Variants in LRP8 observed in about 807,000 individuals in gnomAD.
LRP8 encodes low-density lipoprotein receptor-related protein 8.
Under a neutral mutation model 111.6 loss-of-function variants are expected in LRP8, and 46 were observed. The ratio of observed to expected loss-of-function variants is 0.41; its 90% CI spans 0.33 to 0.53. The LOEUF is 0.53. LRP8 is among the 20% of genes least tolerant of loss of function. LRP8 has a pLI of 0.20. For synonymous variants in LRP8, 464 were observed against 511.2 expected, an observed-to-expected ratio of 0.91 and a Z score of 1.24; for missense variants, 959 against 1,297.4, an observed-to-expected ratio of 0.74 and a Z score of 4.01.
chr1:53,246,437 G>A lies in LRP8; in HGVS notation c.*581C>T, dbSNP rs1488444569. On this transcript the variant is annotated 3_prime_UTR_variant, in exon 19 of 19. Transcript: ENST00000306052. ...ACACATACACACACAGAGTCTGTGT[G>A]GTGGGCCAAACATGCCAAAAATAAA... The A allele has an allele frequency of 6.6e-6, 1 of 152,070 alleles. No individual in the cohort carries two copies. Among genetic ancestry groups the A allele is most frequent in the Non-Finnish European group, 1.5e-5 (1 of 68,212 alleles). The allele number at this position is 152,070 out of a possible 1,614,324, so 9.4% of individuals were successfully genotyped here.
intron 2 of LRP8, among the ~76,000 whole-genome samples, chr1:53,290,753 G>A (rs1288508): frequency 5.4e-4 from 82 of 152,112 alleles, no homozygotes; most frequent in African/African-American, 1.8e-3. Flanking sequence ...AGCACTGGGC[G>A]CACCTAGCAG....
chr1:53,318,825 A>C (rs1449687201), intron 2 of LRP8, among the ~76,000 whole-genome samples: 1 of 152,074 alleles, frequency 6.6e-6, no homozygotes, highest in Admixed American at 6.5e-5. Flanking sequence ...CCAAGAGCTC[A>C]CATGCAGAGA....
intron 12 of LRP8, among the ~76,000 whole-genome samples, 160 bp from the exon 13 acceptor site, chr1:53,260,765 T>C (rs945317076): frequency 1.3e-5 from 2 of 152,228 alleles, no homozygotes; most frequent in Non-Finnish European, 2.9e-5. Flanking sequence ...CTCTAATCTG[T>C]GATGCACGTC....
intron 12 of LRP8, among the ~76,000 whole-genome samples, chr1:53,261,293 T>C (rs999319388): frequency 1.2e-4 from 18 of 152,268 alleles, no homozygotes; most frequent in African/African-American, 4.3e-4. Flanking sequence ...GCCATGTATA[T>C]AAACAAGCAC....
Position 53,272,677 on chromosome 1 carries a change from G to A in LRP8, c.1007-1331C>T, listed in dbSNP as rs114250770. On this transcript the variant is annotated intron_variant, in intron 6 of 18. Transcript: ENST00000306052. ...CAAGACCACAGCAACTCCATGACTG[G>A]GGGACCCAGGGATGACTCAGCCAGG... 266 of 1,289,432 alleles carry A rather than the reference G, an allele frequency of 2.1e-4. No homozygotes were observed. In the African/African-American group the frequency reaches 3.4e-3, roughly 16 times the overall value. The allele number at this position is 1,289,432 out of a possible 1,614,324, so 79.9% of individuals were successfully genotyped here.
intron 2 of LRP8, among the ~76,000 whole-genome samples, chr1:53,311,970 G>A (rs899522688): frequency 2.6e-5 from 4 of 152,246 alleles, no homozygotes; most frequent in African/African-American, 9.6e-5. Flanking sequence ...CTCATACAAG[G>A]CACGTGGCCA....
chr1:53,312,419 C>T (rs1221759565), intron 2 of LRP8, among the ~76,000 whole-genome samples: 2 of 152,202 alleles, frequency 1.3e-5, no homozygotes, highest in African/African-American at 2.4e-5. Context: ...GGCCAGAGTG[C>T]AGCGGCATGA....
At chr1:53,281,957 A>G (rs1647126960) in intron 3 of LRP8, among the ~76,000 whole-genome samples, 1 of 152,246 alleles carries the variant, frequency 6.6e-6, no homozygotes, top group South Asian at 2.1e-4. Flanking sequence ...AGAGCTGATA[A>G]AGAGCAGTGT....
intron 2 of LRP8, among the ~76,000 whole-genome samples, chr1:53,310,395 G>A (rs1652774158): frequency 1.3e-5 from 2 of 151,952 alleles, no homozygotes; most frequent in Admixed American, 6.6e-5. Context: ...CTGCTAAGCC[G>A]TGTGACCTGG....
chr1:53,327,171 G>T (rs1166321369), intron 1 of LRP8, 179 bp from the exon 2 acceptor site: 6 of 805,430 alleles, frequency 7.4e-6, no homozygotes, highest in Non-Finnish European at 9.5e-6. Context: ...TTCCGTGGAT[G>T]TCGGGCCGCT....
intron 18 of LRP8, among the ~76,000 whole-genome samples, chr1:53,248,684 A>G (rs751018098): frequency 7.2e-5 from 11 of 152,258 alleles, no homozygotes; most frequent in Non-Finnish European, 1.0e-4. Context: ...AGTGTCTGAC[A>G]CACAGTAGGT....
chr1:53,261,274 C>T (rs1646327816), intron 12 of LRP8, among the ~76,000 whole-genome samples: 1 of 152,232 alleles, frequency 6.6e-6, no homozygotes, highest in Admixed American at 6.5e-5. Flanking sequence ...ACATACTTTA[C>T]ATGTACATGC....
chr1:53,271,136 C>T lies in LRP8; in HGVS notation c.1144G>A (p.Asp382Asn). Residue 382 changes from aspartate (D) to asparagine (N), a missense_variant, in exon 8 of 19, where the codon GAC becomes AAC. By Grantham distance (23) the Asp-to-Asn change is conservative (BLOSUM62 1). Around this residue, in one of 3 missense-constraint regions of LRP8, gnomAD observed 819 missense variants for 1,097.6 expected, o/e 0.75. Coordinates refer to ENST00000306052, the MANE Select transcript of LRP8 (RefSeq NM_004631.5). Reference protein sequence around the residue: ...KTCGDIDECKDPDACSQICVN... With the variant: ...KTCGDIDECKNPDACSQICVN... Reference sequence around the variant, plus strand: ...CAGATCTGGCTGCAGGCATCTGGGTCCTTGCACTCATCAATGTCTGTGGGG... The same window carrying T: ...CAGATCTGGCTGCAGGCATCTGGGTTCTTGCACTCATCAATGTCTGTGGGG... 1.2e-6 allele frequency: 2 copies of T among 1,613,958 alleles called. No individual in the cohort carries two copies. The highest frequency in any genetic ancestry group is 1.7e-6 in the Non-Finnish European group (2 of 1,180,010).
rs1646900662 is a variant in LRP8 at position 53,275,838 on chromosome 1, C to T, written c.884-85G>A. 6.6e-7 allele frequency: 1 copy of T among 1,504,468 alleles called. No homozygotes were observed. The highest frequency in any genetic ancestry group is 8.9e-7 in the Non-Finnish European group (1 of 1,118,092). 93.2% of individuals were successfully genotyped at this position (1,504,468 alleles called of 1,614,324 possible). A position where few individuals can be genotyped will look rare whatever the true frequency, so the allele number is the denominator to read the frequency against. On this transcript the variant is annotated intron_variant, in intron 5 of 18. Transcript: ENST00000306052. This position sits in a 1 kb window ranked among gnomAD's most constrained non-coding sequence, Gnocchi z 4.4. ...CACCACCCCAATCCCCATGCCATAG[C>T]CACCCCCAGCAAAAACAGAACCAGT...
Position 53,327,935 on chromosome 1 carries a change from C to T in LRP8, c.-23G>A, listed in dbSNP as rs1484767618. On this transcript the variant is annotated 5_prime_UTR_variant, in exon 1 of 19. Coordinates refer to ENST00000306052, the MANE Select transcript of LRP8 (RefSeq NM_004631.5). ...CATGGCGGGCCCGGGGCTCCGGCCG[C>T]CGCGCCCCGCGCTCCCCGCGCCGCC... is the stretch of plus-strand genomic sequence containing the variant. 6.5e-5 allele frequency: 75 copies of T among 1,157,810 alleles called. No individual in the cohort carries two copies. In the African/African-American group the frequency reaches 1.2e-3, roughly 19 times the overall value. 71.7% of individuals were successfully genotyped at this position (1,157,810 alleles called of 1,614,324 possible).
At position 53,311,848 on chromosome 1, in the gene LRP8, G is replaced by A. The variant is rs148648971; in HGVS notation, c.244+15025C>T. Among the ~76,000 whole-genome samples the A allele has an allele frequency of 1.6e-3, 251 of 152,296 alleles. 1 individual carries two copies. The highest frequency in any genetic ancestry group is 5.7e-3 in the African/African-American group (237 of 41,576). On this transcript the variant is annotated intron_variant, in intron 2 of 18. Coordinates refer to ENST00000306052, the MANE Select transcript of LRP8 (RefSeq NM_004631.5). Reference sequence around the variant, plus strand: ...GGAGTCAGATGCTGTGGGACTATGGGCTCAGTGTCCCCATCTGTACAATGG... The same window carrying A: ...GGAGTCAGATGCTGTGGGACTATGGACTCAGTGTCCCCATCTGTACAATGG...
At chr1:53,316,719 C>G (rs1428831894) in intron 2 of LRP8, among the ~76,000 whole-genome samples, 1 of 152,262 alleles carries the variant, frequency 6.6e-6, no homozygotes, top group Non-Finnish European at 1.5e-5. Flanking sequence ...GGGGCAGAGA[C>G]CCCAAGAGGG....
chr1:53,316,148 G>T (rs1263262423), intron 2 of LRP8, among the ~76,000 whole-genome samples: 3 of 152,204 alleles, frequency 2.0e-5, no homozygotes, highest in Non-Finnish European at 4.4e-5. Flanking sequence ...TACCCATGTT[G>T]TTCAGAGCGG....
chr1:53,313,960 C>T (rs1449925606), intron 2 of LRP8, among the ~76,000 whole-genome samples: 1 of 152,144 alleles, frequency 6.6e-6, no homozygotes, highest in Non-Finnish European at 1.5e-5. Context: ...AAGGGCATGG[C>T]AGTGGGTGGC....
Sources: allele counts gnomAD v4.1 joint callset (sites outside exome capture counted in the v4.1 genomes callset), GRCh38; gene constraint gnomAD v4.1.1; regional missense constraint gnomAD v4.1.1; non-coding constraint Gnocchi (gnomAD v3.1); transcripts MANE v1.5; gene names NCBI Gene and HGNC (gene_info 2026-07-23, HGNC 2026-07-21).